The following NEDD4 variants were observed in gnomAD, a reference collection of about 807,000 sequenced individuals.
NEDD4 encodes the protein NEDD4 E3 ubiquitin protein ligase.
A neutral mutation model predicts 144.9 loss-of-function variants in NEDD4; 99 were observed. That is an observed-to-expected ratio of 0.68 (90% CI 0.58 to 0.81). The LOEUF is 0.81. NEDD4 is among the 30% of genes least tolerant of loss of function. NEDD4 has a pLI of 0.00. For missense variants in NEDD4, 985 were observed against 1,065.9 expected, an observed-to-expected ratio of 0.92 and a Z score of 1.06; for synonymous variants, 318 against 350.6, an observed-to-expected ratio of 0.91 and a Z score of 1.04.
At chr15:55,836,006 C>T (rs1011868327) in intron 24 of NEDD4, among the ~76,000 whole-genome samples, 8 of 152,170 alleles carry the variant, frequency 5.3e-5, no homozygotes, top group African/African-American at 1.9e-4. Context: ...CTGATTGTTT[C>T]CCTCTTGCAT....
intron 5 of NEDD4, among the ~76,000 whole-genome samples, chr15:55,906,274 A>G (rs1268573947): frequency 6.6e-6 from 1 of 152,178 alleles, no homozygotes; most frequent in Non-Finnish European, 1.5e-5. Context: ...CAGCCATCCC[A>G]TTACTGGGTA....
chr15:55,857,405 T>C (rs1229727726), intron 11 of NEDD4, among the ~76,000 whole-genome samples: 1 of 152,186 alleles, frequency 6.6e-6, no homozygotes, highest in Non-Finnish European at 1.5e-5. Flanking sequence ...CTTGTCTCAC[T>C]GCAACCTCCA....
At chr15:55,960,388 T>C (rs2037405761) in intron 2 of NEDD4, among the ~76,000 whole-genome samples, 1 of 152,138 alleles carries the variant, frequency 6.6e-6, no homozygotes, top group South Asian at 2.1e-4. Context: ...ACTTGCTGAG[T>C]CTTCTGGCCT....
chr15:55,979,843 T>C (rs1265611448), intron 1 of NEDD4, among the ~76,000 whole-genome samples: 1 of 152,140 alleles, frequency 6.6e-6, no homozygotes, highest in Non-Finnish European at 1.5e-5. Context: ...CAATAAACTT[T>C]ATGCCTTTCT....
At chr15:55,863,170 T>G in intron 8 of NEDD4, 91 bp from the exon 9 acceptor site, 3 of 1,161,340 alleles carry the variant, frequency 2.6e-6, no homozygotes, top group Non-Finnish European at 3.5e-6. Context: ...AGAGATTTAT[T>G]ATATCAAGTT....
intron 5 of NEDD4, among the ~76,000 whole-genome samples, chr15:55,889,840 A>G (rs972598378): frequency 1.2e-4 from 19 of 152,238 alleles, no homozygotes; most frequent in African/African-American, 4.6e-4. Flanking sequence ...AGCTAGAATT[A>G]CAGGCATGTG....
At chr15:55,923,292 T>C (rs1185798832) in intron 5 of NEDD4, among the ~76,000 whole-genome samples, 1 of 152,130 alleles carries the variant, frequency 6.6e-6, no homozygotes, top group African/African-American at 2.4e-5. Flanking sequence ...AGAAAACAAA[T>C]AGCTCTGTAA....
chr15:55,942,609 T>G (rs11071233), intron 4 of NEDD4, among the ~76,000 whole-genome samples: 20,480 of 152,216 alleles, frequency 0.13, 1,512 homozygotes, highest in East Asian at 0.32. Context: ...GGCCCCCTCA[T>G]CCAGGCTTCC....
chr15:55,993,346 C>T (rs1566981992), intron 1 of NEDD4, among the ~76,000 whole-genome samples, 165 bp downstream of exon 1: 1 of 152,118 alleles, frequency 6.6e-6, no homozygotes, highest in Non-Finnish European at 1.5e-5. Context: ...CGCGCCGAGC[C>T]GCCCCCACAG....
intron 24 of NEDD4, among the ~76,000 whole-genome samples, chr15:55,835,544 G>A (rs2033157790): frequency 6.6e-6 from 1 of 150,934 alleles, no homozygotes; most frequent in Non-Finnish European, 1.5e-5. Flanking sequence ...CGCTTTCACA[G>A]CCCTTTCACA....
At chr15:55,861,032 G>A (rs1441209407) in intron 9 of NEDD4, among the ~76,000 whole-genome samples, 1 of 152,182 alleles carries the variant, frequency 6.6e-6, no homozygotes, top group Non-Finnish European at 1.5e-5. Flanking sequence ...TTGTCACTAT[G>A]TCTAGGATAA....
chr15:55,837,163 C>G (rs554306591), intron 24 of NEDD4, among the ~76,000 whole-genome samples: 70 of 152,256 alleles, frequency 4.6e-4, no homozygotes, highest in Non-Finnish European at 8.2e-4. Context: ...AGCACGGTGG[C>G]TCACACTGGT....
intron 5 of NEDD4, chr15:55,916,514 T>G (rs2036451285): frequency 1.2e-6 from 2 of 1,614,110 alleles, no homozygotes; most frequent in East Asian, 2.2e-5. Flanking sequence ...CACTATCAGC[T>G]AAGACATTGC....
intron 27 of NEDD4, among the ~76,000 whole-genome samples, chr15:55,830,834 G>T (rs999433145): frequency 1.3e-5 from 2 of 152,148 alleles, no homozygotes; most frequent in Admixed American, 1.3e-4. Flanking sequence ...TGAGTAGCCA[G>T]GACTACAGGT....
chr15:55,866,126 C>A (rs2034577857), intron 8 of NEDD4, among the ~76,000 whole-genome samples: 1 of 151,924 alleles, frequency 6.6e-6, no homozygotes, highest in Non-Finnish European at 1.5e-5. Flanking sequence ...GTTGCCCAGG[C>A]TGGTCTCAAA....
chr15:55,880,283 C>A (rs138562132), intron 5 of NEDD4, among the ~76,000 whole-genome samples: 9 of 151,470 alleles, frequency 5.9e-5, no homozygotes, highest in African/African-American at 2.2e-4. Flanking sequence ...CGGAGTGAGA[C>A]CCCGTCTCCA....
At chr15:55,893,594 T>A (rs983747168) in intron 5 of NEDD4, among the ~76,000 whole-genome samples, 3 of 151,704 alleles carry the variant, frequency 2.0e-5, no homozygotes, top group Non-Finnish European at 2.9e-5. Context: ...AATTTTTTTT[T>A]ATTTGAACAC....
chr15:55,983,475 C>T (rs985655101), intron 1 of NEDD4, among the ~76,000 whole-genome samples: 13 of 151,840 alleles, frequency 8.6e-5, no homozygotes, highest in African/African-American at 3.1e-4. Context: ...CCATCTTTTG[C>T]ACATGTGGTT....
At chr15:55,833,860 A>G (rs1189374357) in intron 26 of NEDD4, among the ~76,000 whole-genome samples, 178 bp downstream of exon 26, 1 of 152,154 alleles carries the variant, frequency 6.6e-6, no homozygotes, top group East Asian at 1.9e-4. Context: ...TTACCTAGTA[A>G]TAGTTACAGA....
Sources: gnomAD v4.1 joint callset for allele counts (sites outside exome capture counted in the v4.1 genomes callset) on GRCh38, gnomAD v4.1.1 for gene constraint, MANE v1.5 for transcripts, NCBI Gene and HGNC (gene_info 2026-07-23, HGNC 2026-07-21) for gene names.